The following FLCN variants were observed in gnomAD, a reference collection of about 807,000 sequenced individuals.
FLCN encodes the protein BHD skin lesion fibrofolliculoma protein.
FLCN carries 22 observed loss-of-function variants against 62.5 expected under a neutral mutation model. That is an observed-to-expected ratio of 0.35 (90% CI 0.25 to 0.50). FLCN has a LOEUF of 0.50. Among genes scored for constraint, FLCN ranks in the 20% least tolerant of loss-of-function variants. FLCN has a pLI of 0.97. For missense variants in FLCN, 657 were observed against 778.0 expected (o/e 0.84, Z 1.85); for synonymous variants, 319 against 310.0 (o/e 1.03, Z -0.30).
At chr17:17,222,764 C>T in intron 6 of FLCN, 103 bp from the exon 7 acceptor site, 6 of 1,355,174 alleles carry the variant, frequency 4.4e-6, no homozygotes. Context: ...CCTGGAGGAT[C>T]AGTCCCACTA....
intron 5 of FLCN, chr17:17,224,622 G>A (rs879839387): frequency 5.0e-5 from 11 of 220,000 alleles, no homozygotes; most frequent in Middle Eastern, 3.4e-3. Flanking sequence ...TGCAACCTCC[G>A]TCTCCTGGGT....
chr17:17,223,810 G>A (rs2047165017), intron 6 of FLCN, 112 bp downstream of exon 6: 1 of 1,059,066 alleles, frequency 9.4e-7, no homozygotes, highest in African/African-American at 1.6e-5. Flanking sequence ...CAGTGCACTG[G>A]CTGTAAGCAG....
chr17:17,234,199 T>G (rs2047509733), intron 1 of FLCN, among the ~76,000 whole-genome samples: 1 of 147,642 alleles, frequency 6.8e-6, no homozygotes, highest in African/African-American at 2.6e-5. Flanking sequence ...GGCTACACTG[T>G]TTTGTTTTTT....
At chr17:17,214,534 T>C (rs1434455146) in intron 13 of FLCN, among the ~76,000 whole-genome samples, 79 of 151,972 alleles carry the variant, frequency 5.2e-4, no homozygotes, top group Non-Finnish European at 5.9e-5. Context: ...GCGGAGGTTG[T>C]GGTGAGCCAA....
chr17:17,226,064 T>G, intron 5 of FLCN, 112 bp downstream of exon 5: 2 of 1,483,856 alleles, frequency 1.3e-6, no homozygotes, highest in Non-Finnish European at 1.9e-6. Context: ...GGGTCCGCCC[T>G]GAGAGAGGAC....
intron 3 of FLCN, among the ~76,000 whole-genome samples, chr17:17,229,987 G>A (rs552253713): frequency 6.6e-6 from 1 of 152,340 alleles, no homozygotes; most frequent in Admixed American, 6.5e-5. Flanking sequence ...GCATGAGGCA[G>A]TATGCCTTCC....
At position 17,228,030 on chromosome 17, in the gene FLCN, C is replaced by A. The variant is rs1256048813; in HGVS notation, c.108G>T (p.Glu36Asp). Residue 36 changes from glutamate to aspartate, a missense_variant, in exon 4 of 14, where the codon GAG (glutamate) becomes GAT (aspartate). Coordinates refer to ENST00000285071, the MANE Select transcript of FLCN (RefSeq NM_144997.7). ...CCTGCTCACCCTGGCCAGGACTGTC[C>A]TCATTCCCATCCCCTTGAGGAAGTG... ...HAPLPQGDGN[E>D]DSPGQGEQAE... 6.2e-7 allele frequency: 1 copy of A among 1,613,978 alleles called. No homozygotes were observed. The highest frequency in any genetic ancestry group is 1.1e-5 in the South Asian group (1 of 91,086).
chr17:17,227,128 C>G (rs1169786254), intron 4 of FLCN, among the ~76,000 whole-genome samples: 2 of 152,206 alleles, frequency 1.3e-5, no homozygotes, highest in Admixed American at 1.3e-4. Flanking sequence ...TGCAGCAGAA[C>G]CAAAAGAACA....
At position 17,216,492 on chromosome 17, in the gene FLCN, G is replaced by A. The variant is rs1025539940; in HGVS notation, c.1188C>T (p.Pro396=). The change falls in exon 11 of 14, where the codon CCC becomes CCT. Residue 396 remains proline, a synonymous_variant. Transcript: ENST00000285071. The surrounding 1 kb of genome is among the most constrained non-coding windows in gnomAD (Gnocchi z 4.0). ...ATGGGATGATGCGGACGCAGCCCAC[G>A]GGAAGCATGGTCTGAGGAGGACAGC... ...SAFEVLRTML[P]VGCVRIIPYS... 7 of 1,613,804 alleles carry A rather than the reference G, an allele frequency of 4.3e-6. No homozygotes were observed. Among genetic ancestry groups the A allele is most frequent in the East Asian group, 4.5e-5 (2 of 44,868 alleles).
In FLCN at chr17:17,216,166, G is replaced by A. The variant is rs566950055; in HGVS notation, c.1300+214C>T. On this transcript the variant is annotated intron_variant, in intron 11 of 13. Coordinates refer to ENST00000285071, the MANE Select transcript of FLCN (RefSeq NM_144997.7). This position sits in a 1 kb window ranked among gnomAD's most constrained non-coding sequence, Gnocchi z 4.0. ...CGATGGTGACCTGCAGCCCACTGAC[G>A]ACAGTCCCTGCCAGCCAACCTTCCC... Among the ~76,000 whole-genome samples the A allele has an allele frequency of 9.2e-5, 14 of 152,220 alleles. No homozygotes were observed. The East Asian group carries it at 1.7e-3, about 19-fold the overall frequency.
Position 17,225,880 on chromosome 17 carries a change from C to G in FLCN, c.396+296G>C, listed in dbSNP as rs2047230654. 1.0e-5 allele frequency: 5 copies of G among 480,052 alleles called. No homozygotes were observed. In the Admixed American group the frequency reaches 1.6e-4, roughly 15 times the overall value. 29.7% of individuals were successfully genotyped at this position (480,052 alleles called of 1,614,324 possible). ...TGGACGACAGAGCGAGACCCTGACA[C>G]AAAAGAAGGAAAAAAGAAAACAATA... is the stretch of plus-strand genomic sequence containing the variant. On this transcript the variant is annotated intron_variant, in intron 5 of 13. Transcript: ENST00000285071.
chr17:17,228,962 T>G (rs2047341512), intron 3 of FLCN: 2 of 152,458 alleles, frequency 1.3e-5, no homozygotes, highest in African/African-American at 2.4e-5. Context: ...CATGCCCATG[T>G]GCAGAAAAGA....
intron 8 of FLCN, chr17:17,221,211 G>T: frequency 6.6e-7 from 1 of 1,520,948 alleles, no homozygotes; most frequent in Non-Finnish European, 8.8e-7. Context: ...AAAGACCGTC[G>T]ACCAGGCCAA....
rs776990597 is a variant in FLCN at position 17,215,122 on chromosome 17, A to G, written c.1433-32T>C. On this transcript the variant is annotated intron_variant, in intron 12 of 13. Transcript: ENST00000285071. Reference sequence around the variant, plus strand: ...AGAAGGGCAGGGGCAGAGCAAGGGCAGGCGTTAGCGCGGGGCGGGGGCATC... The same window carrying G: ...AGAAGGGCAGGGGCAGAGCAAGGGCGGGCGTTAGCGCGGGGCGGGGGCATC... 9.9e-6 allele frequency: 16 copies of G among 1,613,708 alleles called. No homozygotes were observed. The Admixed American group carries it at 1.3e-4, about 13-fold the overall frequency.
chr17:17,231,864 C>T lies in FLCN; in HGVS notation c.-95G>A, dbSNP rs2047432955. Reference sequence around the variant, plus strand: ...CACCTGTCCTCCTGCTGAGATACGGCTGAGCACGAGTGGTCACACTGGGAA... The same window carrying T: ...CACCTGTCCTCCTGCTGAGATACGGTTGAGCACGAGTGGTCACACTGGGAA... On this transcript the variant is annotated 5_prime_UTR_variant, in exon 3 of 14. Coordinates refer to ENST00000285071, the MANE Select transcript of FLCN (RefSeq NM_144997.7). 6.6e-6 allele frequency: 1 copy of T among 152,526 alleles called. No individual in the cohort carries two copies. Among genetic ancestry groups the T allele is most frequent in the Non-Finnish European group, 1.5e-5 (1 of 68,118 alleles). 9.4% of individuals were successfully genotyped at this position (152,526 alleles called of 1,614,324 possible). A position where few individuals can be genotyped will look rare whatever the true frequency, so the allele number is the denominator to read the frequency against.
rs1215173725 is a variant in FLCN, at chr17:17,237,128, C to T, written c.-444G>A. On this transcript the variant is annotated 5_prime_UTR_variant, in exon 1 of 14. Transcript: ENST00000285071. The stretch of plus-strand genomic sequence containing the variant: ...CAGGCTCTCAGGGGAGCTGGCAGAA[C>T]CAGGAGCGACCACACTCACTCGCGG... 1 of 152,242 alleles carries T rather than the reference C, an allele frequency of 6.6e-6. No individual in the cohort carries two copies. The highest frequency in any genetic ancestry group is 1.5e-5 in the Non-Finnish European group (1 of 68,072). 9.4% of individuals were successfully genotyped at this position (152,242 alleles called of 1,614,324 possible). A position where few individuals can be genotyped will look rare whatever the true frequency, so the allele number is the denominator to read the frequency against.
At chr17:17,222,874 T>A in intron 6 of FLCN, 1 of 623,964 alleles carries the variant, frequency 1.6e-6, no homozygotes, top group Non-Finnish European at 2.9e-6. Flanking sequence ...AGAACAGAAA[T>A]CGGTTGAGCT....
Position 17,223,953 on chromosome 17 carries a change from A to G in FLCN, c.587T>C (p.Ile196Thr), listed in dbSNP as rs2144972353. The change falls in exon 6 of 14, where the codon ATC becomes ACC. Residue 196 changes from isoleucine to threonine, a missense_variant. Coordinates refer to ENST00000285071, the MANE Select transcript of FLCN (RefSeq NM_144997.7). ...CGCCTTGCCCTGGAGCTCATCGATG[A>G]TTCCCCGGACCTTCCCCAGCAGGAA... Reference protein sequence around the residue: ...WPFLLGKVRGIIDELQGKALK... With the variant: ...WPFLLGKVRGTIDELQGKALK... 1 of 1,613,432 alleles carries G rather than the reference A, an allele frequency of 6.2e-7. No homozygotes were observed. Among genetic ancestry groups the G allele is most frequent in the Non-Finnish European group, 8.5e-7 (1 of 1,180,036 alleles).
chr17:17,229,889 C>T (rs1438957362), intron 3 of FLCN, among the ~76,000 whole-genome samples: 1 of 152,130 alleles, frequency 6.6e-6, no homozygotes, highest in Non-Finnish European at 1.5e-5. Flanking sequence ...AGCTGCGATG[C>T]CGGCGGAACC....
Sources: gnomAD v4.1 joint callset for allele counts (sites outside exome capture counted in the v4.1 genomes callset) on GRCh38, gnomAD v4.1.1 for gene constraint, Gnocchi (gnomAD v3.1) non-coding constraint, MANE v1.5 for transcripts, NCBI Gene and HGNC (gene_info 2026-07-23, HGNC 2026-07-21) for gene names.